The following PHACTR3 variants were observed in gnomAD, a reference collection of about 807,000 sequenced individuals.
The protein encoded by PHACTR3 is phosphatase and actin regulator 3.
In PHACTR3, 16 loss-of-function variants were observed where a neutral mutation model predicts 66.8. That is an observed-to-expected ratio of 0.24 (90% CI 0.16 to 0.36). PHACTR3 has a LOEUF of 0.36. PHACTR3 is among the 10% of genes least tolerant of loss of function. PHACTR3 has a pLI of 1.00. For synonymous variants in PHACTR3, 323 were observed against 292.1 expected, an observed-to-expected ratio of 1.11 and a Z score of -1.08; for missense variants, 647 against 719.9, an observed-to-expected ratio of 0.90 and a Z score of 1.16.
At chr20:59,651,713 G>C (rs1429694426) in intron 1 of PHACTR3, among the ~76,000 whole-genome samples, 1 of 152,142 alleles carries the variant, frequency 6.6e-6, no homozygotes, top group Non-Finnish European at 1.5e-5. Flanking sequence ...GGTATCGGAA[G>C]ACAATAAAAG....
At chr20:59,747,629 CT>C in intron 2 of PHACTR3, 128 bp from the exon 3 acceptor site, 1 of 1,053,122 alleles carries the variant, frequency 9.5e-7, no homozygotes, top group Admixed American at 2.2e-5. Flanking sequence ...ACTAGGCCCC[CT>C]AACCCCGAGG....
In PHACTR3 at chr20:59,847,281, A is replaced by G. The variant is rs1271104549; in HGVS notation, c.*151A>G. ...CACACACACAGGTGCAATCTTGACC[A>G]CACTTACCTGCAAGAGGAGTAACCA... is the stretch of plus-strand genomic sequence containing the variant. On this transcript the variant is annotated 3_prime_UTR_variant, in exon 13 of 13. Coordinates refer to ENST00000371015, the MANE Select transcript of PHACTR3 (RefSeq NM_080672.5). The G allele has an allele frequency of 7.8e-6, 4 of 515,180 alleles. No homozygotes were observed. The highest frequency in any genetic ancestry group is 1.4e-5 in the Non-Finnish European group (4 of 282,046). 31.9% of individuals were successfully genotyped at this position (515,180 alleles called of 1,614,324 possible).
At chr20:59,662,243 T>G (rs914318040) in intron 1 of PHACTR3, among the ~76,000 whole-genome samples, 1 of 152,040 alleles carries the variant, frequency 6.6e-6, no homozygotes, top group East Asian at 1.9e-4. Context: ...GAATGACACA[T>G]GGGTGTATGT....
intron 1 of PHACTR3, among the ~76,000 whole-genome samples, chr20:59,664,386 G>A (rs1447726630): frequency 6.6e-6 from 1 of 152,102 alleles, no homozygotes; most frequent in Admixed American, 6.6e-5. Context: ...GCCTACTCTG[G>A]TTACAGTCCT....
intron 1 of PHACTR3, among the ~76,000 whole-genome samples, chr20:59,742,001 T>A (rs1404404564): frequency 6.6e-6 from 1 of 152,206 alleles, no homozygotes; most frequent in Non-Finnish European, 1.5e-5. Flanking sequence ...GACCTTGTGA[T>A]CTGCCTGCCT....
intron 1 of PHACTR3, among the ~76,000 whole-genome samples, chr20:59,724,010 T>C (rs1037734440): frequency 6.6e-6 from 1 of 152,134 alleles, no homozygotes; most frequent in African/African-American, 2.4e-5. Flanking sequence ...ATTTCTCACC[T>C]CCTTGCCCAC....
At chr20:59,767,465 A>T in intron 5 of PHACTR3, 70 bp downstream of exon 5, 1 of 1,445,466 alleles carries the variant, frequency 6.9e-7, no homozygotes, top group Non-Finnish European at 9.5e-7. Context: ...TCCTACATTC[A>T]TCCACCCATC....
intron 1 of PHACTR3, among the ~76,000 whole-genome samples, chr20:59,662,623 GT>G (rs1340112223): frequency 6.6e-6 from 1 of 152,172 alleles, no homozygotes; most frequent in Non-Finnish European, 1.5e-5. Context: ...AAGGGAAGAA[GT>G]TGGAGCTGTT....
intron 3 of PHACTR3, among the ~76,000 whole-genome samples, chr20:59,751,487 C>T (rs953297992): frequency 9.9e-5 from 15 of 152,264 alleles, no homozygotes; most frequent in African/African-American, 3.6e-4. Context: ...CACACATGTA[C>T]ATACACATTG....
At chr20:59,629,364 C>T (rs971240382) in intron 1 of PHACTR3, among the ~76,000 whole-genome samples, 2 of 152,228 alleles carry the variant, frequency 1.3e-5, no homozygotes, top group African/African-American at 4.8e-5. Flanking sequence ...GCCCAGCCTT[C>T]CCCTTCTCCC....
At chr20:59,803,707 G>T (rs1239124053) in intron 7 of PHACTR3, among the ~76,000 whole-genome samples, 2 of 152,108 alleles carry the variant, frequency 1.3e-5, no homozygotes, top group African/African-American at 4.8e-5. Flanking sequence ...AATTTAACAG[G>T]CATCCTCTGA....
chr20:59,638,168 A>C (rs754957987), intron 1 of PHACTR3, among the ~76,000 whole-genome samples: 6 of 152,210 alleles, frequency 3.9e-5, no homozygotes, highest in Non-Finnish European at 8.8e-5. Context: ...CTGTCTTAGC[A>C]TGTTGAAAGT....
At position 59,752,284 on chromosome 20, in the gene PHACTR3, TGTGA is replaced by T. The variant is rs1304901197; in HGVS notation, c.359-2894_359-2891del. On this transcript the variant is annotated intron_variant, in intron 3 of 12. Transcript: ENST00000371015. ...ACACGTGTGTGCCTGCGTGTGCATC[TGTGA>T]GTGTGTGTGCATGTCTGCAACACGT... Among the ~76,000 whole-genome samples the T allele has an allele frequency of 3.9e-5, 6 of 152,236 alleles. No homozygotes were observed. The East Asian group carries it at 1.2e-3, about 29-fold the overall frequency.
At chr20:59,636,087 T>A (rs1398538588) in intron 1 of PHACTR3, among the ~76,000 whole-genome samples, 1 of 152,258 alleles carries the variant, frequency 6.6e-6, no homozygotes, top group Non-Finnish European at 1.5e-5. Context: ...GCCAATCTGC[T>A]GGCGAAAAAT....
intron 1 of PHACTR3, among the ~76,000 whole-genome samples, chr20:59,581,364 G>A (rs2032851650): frequency 6.6e-6 from 1 of 152,144 alleles, no homozygotes; most frequent in Non-Finnish European, 1.5e-5. Context: ...GGGTGCTCAG[G>A]GCACACCTGT....
At chr20:59,668,610 T>C (rs949521904) in intron 1 of PHACTR3, among the ~76,000 whole-genome samples, 1 of 152,244 alleles carries the variant, frequency 6.6e-6, no homozygotes, top group African/African-American at 2.4e-5. Context: ...GGCCAGGTCC[T>C]CTCAAAGCTC....
intron 1 of PHACTR3, among the ~76,000 whole-genome samples, chr20:59,633,696 TG>T (rs1288474013): frequency 2.6e-5 from 4 of 152,186 alleles, no homozygotes; most frequent in African/African-American, 9.7e-5. Context: ...CCTGGGTTTT[TG>T]TGTTGTGGAG....
Position 59,830,975 on chromosome 20 carries a change from G to C in PHACTR3, c.1329-5530G>C, listed in dbSNP as rs1430372295. Reference sequence around the variant, plus strand: ...TGGAGCCTCTCCAGGCGTCCTGACTGTCCAGGCTGTCGGCGGTCTCATCAG... The same window carrying C: ...TGGAGCCTCTCCAGGCGTCCTGACTCTCCAGGCTGTCGGCGGTCTCATCAG... On this transcript the variant is annotated intron_variant, in intron 8 of 12. Transcript: ENST00000371015. This position sits in a 1 kb window ranked among gnomAD's most constrained non-coding sequence, Gnocchi z 5.8. Among the ~76,000 whole-genome samples the C allele has an allele frequency of 1.3e-5, 2 of 152,122 alleles. No individual in the cohort carries two copies.
At chr20:59,616,687 G>T (rs960845370) in intron 1 of PHACTR3, among the ~76,000 whole-genome samples, 3 of 152,232 alleles carry the variant, frequency 2.0e-5, no homozygotes, top group Non-Finnish European at 4.4e-5. Flanking sequence ...GGGTTCCTTA[G>T]GGTTGCCTCT....
Sources: gnomAD v4.1 joint callset for allele counts (sites outside exome capture counted in the v4.1 genomes callset) on GRCh38, gnomAD v4.1.1 for gene constraint, Gnocchi (gnomAD v3.1) non-coding constraint, MANE v1.5 for transcripts, NCBI Gene and HGNC (gene_info 2026-07-23, HGNC 2026-07-21) for gene names.